Variants in MLIP observed in about 807,000 individuals in gnomAD.
The protein encoded by MLIP is muscular LMNA-interacting protein.
A neutral mutation model predicts 84.8 loss-of-function variants in MLIP; 79 were observed. That is an observed-to-expected ratio of 0.93 (90% CI 0.78 to 1.12). MLIP has a LOEUF of 1.12. MLIP is among the 50% of genes most tolerant of loss of function. The pLI, the probability that MLIP is intolerant of heterozygous loss-of-function variation, is 0.00. For synonymous variants in MLIP, 504 were observed against 463.0 expected (o/e 1.09, Z -1.14); for missense variants, 1,257 against 1,160.6 (o/e 1.08, Z -1.21).
intron 1 of MLIP, among the ~76,000 whole-genome samples, chr6:54,073,787 A>G (rs1214764317): frequency 2.0e-5 from 3 of 152,218 alleles, no homozygotes; most frequent in African/African-American, 7.2e-5. Context: ...TTCTTAACAT[A>G]ACTGAAATCT....
At chr6:54,083,340 G>A in intron 1 of MLIP, 1 of 787,144 alleles carries the variant, frequency 1.3e-6, no homozygotes, top group East Asian at 3.0e-5. Flanking sequence ...GTCAAGATAG[G>A]TTAATATATT....
chr6:54,056,584 G>T (rs772506806), intron 1 of MLIP, among the ~76,000 whole-genome samples: 5 of 152,136 alleles, frequency 3.3e-5, no homozygotes, highest in Non-Finnish European at 7.3e-5. Context: ...ATATTTTCGT[G>T]TCGTGTGTTT....
intron 11 of MLIP, chr6:54,216,917 C>A (rs967442496): frequency 7.1e-6 from 7 of 985,018 alleles, no homozygotes; most frequent in Non-Finnish European, 8.4e-6. Flanking sequence ...ATAAAGGGGT[C>A]GCTCTTTAAG....
At chr6:54,129,213 A>AC (rs1356363280) in intron 3 of MLIP, among the ~76,000 whole-genome samples, 2 of 151,990 alleles carry the variant, frequency 1.3e-5, no homozygotes, top group African/African-American at 4.8e-5. Flanking sequence ...CCCTCCATAT[A>AC]CCCCCAGGCC....
intron 11 of MLIP, chr6:54,215,758 C>T (rs903039549): frequency 6.6e-6 from 1 of 152,292 alleles, no homozygotes; most frequent in Non-Finnish European, 1.5e-5. Context: ...CTTTAAACAC[C>T]ATTTTTCCTT....
intron 1 of MLIP, 138 bp downstream of exon 1, chr6:54,111,713 C>A (rs1253515062): frequency 5.5e-6 from 5 of 901,172 alleles, no homozygotes; most frequent in Non-Finnish European, 8.2e-6. Flanking sequence ...GAAATGCTAT[C>A]TTCACTTAGA....
chr6:54,215,372 C>T (rs1562067930), intron 11 of MLIP: 1 of 1,295,868 alleles, frequency 7.7e-7, no homozygotes, highest in East Asian at 3.0e-5. Flanking sequence ...AAAAATGGGG[C>T]TACTAATCAC....
At chr6:54,230,614 T>C in intron 11 of MLIP, 100 bp from the exon 12 acceptor site, 1 of 1,013,014 alleles carries the variant, frequency 9.9e-7, no homozygotes. Context: ...GTCTTCTTAC[T>C]GGTAAGAGAT....
chr6:54,117,967 C>T (rs1487064446), intron 1 of MLIP, among the ~76,000 whole-genome samples: 1 of 127,232 alleles, frequency 7.9e-6, no homozygotes, highest in Non-Finnish European at 1.6e-5. Flanking sequence ...ACAACAACAA[C>T]AGCAACAACA....
At chr6:54,251,741 T>A (rs1362844824) in intron 12 of MLIP, among the ~76,000 whole-genome samples, 1 of 102,742 alleles carries the variant, frequency 9.7e-6, no homozygotes, top group East Asian at 2.7e-4. Context: ...TATAAATATA[T>A]ATAATAGCAT....
chr6:54,083,962 T>C (rs1219835262), intron 1 of MLIP, among the ~76,000 whole-genome samples: 1 of 152,212 alleles, frequency 6.6e-6, no homozygotes, highest in Non-Finnish European at 1.5e-5. Context: ...TTTGAGATTA[T>C]ATATTTTTTA....
chr6:54,127,792 C>T (rs1771049498), intron 3 of MLIP, among the ~76,000 whole-genome samples: 1 of 152,084 alleles, frequency 6.6e-6, no homozygotes, highest in Non-Finnish European at 1.5e-5. Flanking sequence ...AAAAAAATCA[C>T]TCAATAATTT....
At chr6:54,233,338 C>A (rs1011448825) in intron 12 of MLIP, among the ~76,000 whole-genome samples, 4 of 151,978 alleles carry the variant, frequency 2.6e-5, no homozygotes, top group East Asian at 1.9e-4. Context: ...AGCCCCCCAC[C>A]CCCCAACAGG....
intron 11 of MLIP, among the ~76,000 whole-genome samples, chr6:54,209,506 T>A (rs1779269174): frequency 6.6e-6 from 1 of 152,212 alleles, no homozygotes; most frequent in South Asian, 2.1e-4. Context: ...AAGAATTGTA[T>A]TTTTGTCTAT....
chr6:54,049,422 A>G (rs1765253289), intron 1 of MLIP, among the ~76,000 whole-genome samples: 1 of 152,166 alleles, frequency 6.6e-6, no homozygotes, highest in African/African-American at 2.4e-5. Context: ...GGTGTCACTT[A>G]TTGCTGGTTC....
At chr6:54,142,918 CA>C (rs199515086) in intron 4 of MLIP, among the ~76,000 whole-genome samples, 22 of 148,982 alleles carry the variant, frequency 1.5e-4, no homozygotes, top group Non-Finnish European at 2.7e-4. Context: ...ACAACAACAA[CA>C]AAAAAAAAAC....
At chr6:54,028,448 G>A (rs1763944076) in intron 1 of MLIP, among the ~76,000 whole-genome samples, 1 of 152,128 alleles carries the variant, frequency 6.6e-6, no homozygotes, top group African/African-American at 2.4e-5. Flanking sequence ...TAATTTCTCT[G>A]GGGATATCAT....
chr6:54,168,725 GAAAT>G (rs1775453137), intron 8 of MLIP, among the ~76,000 whole-genome samples: 1 of 151,732 alleles, frequency 6.6e-6, no homozygotes, highest in South Asian at 2.1e-4. Flanking sequence ...ATGCACATTT[GAAAT>G]TGATAATTGT....
chr6:54,061,411 T>G (rs1380914764), intron 1 of MLIP, among the ~76,000 whole-genome samples: 1 of 152,186 alleles, frequency 6.6e-6, no homozygotes, highest in African/African-American at 2.4e-5. Context: ...TCCTTATCAA[T>G]AAATGCAAAT....
Sources: gnomAD v4.1 joint callset for allele counts (sites outside exome capture counted in the v4.1 genomes callset) on GRCh38, gnomAD v4.1.1 for gene constraint, MANE v1.5 for transcripts, NCBI Gene and HGNC (gene_info 2026-07-23, HGNC 2026-07-21) for gene names.